CREB3L3: variants seen among roughly 807,000 people sequenced by gnomAD.
The protein encoded by CREB3L3 is cyclic AMP-responsive element-binding protein 3-like protein 3.
In CREB3L3, 40 loss-of-function variants were observed where a neutral mutation model predicts 44.6. That is an observed-to-expected ratio of 0.90 (90% CI 0.70 to 1.17). The LOEUF (loss-of-function observed/expected upper bound fraction) is 1.17, where lower values mean the gene tolerates loss of function less well. Ranked by LOEUF, CREB3L3 falls within the 50% of genes most tolerant of loss-of-function variation. The pLI is 0.00. For synonymous variants in CREB3L3, 273 were observed against 256.3 expected, an observed-to-expected ratio of 1.06 and a Z score of -0.62; for missense variants, 578 against 595.8, an observed-to-expected ratio of 0.97 and a Z score of 0.31.
At chr19:4,156,625 C>G (rs2041582392) in intron 2 of CREB3L3, among the ~76,000 whole-genome samples, 1 of 151,544 alleles carries the variant, frequency 6.6e-6, no homozygotes, top group African/African-American at 2.4e-5. Context: ...CCTCAGACTC[C>G]CGAGTAGCTG....
chr19:4,153,866 C>T (rs2041539909), intron 1 of CREB3L3, 92 bp downstream of exon 1: 1 of 1,369,886 alleles, frequency 7.3e-7, no homozygotes. Context: ...ATCTCCACCC[C>T]TATTGTACAG....
chr19:4,156,787 CCACTGCACCTGG>C (rs2041585667), intron 2 of CREB3L3, among the ~76,000 whole-genome samples, 196 bp from the exon 3 acceptor site: 1 of 152,054 alleles, frequency 6.6e-6, no homozygotes, highest in Non-Finnish European at 1.5e-5. Context: ...CAGGCAGGAG[CCACTGCACCTGG>C]CACTGGCTGG....
intron 7 of CREB3L3, 125 bp from the exon 8 acceptor site, chr19:4,170,966 G>C: frequency 1.7e-6 from 1 of 573,792 alleles, no homozygotes; most frequent in South Asian, 2.7e-5. Flanking sequence ...AAATAATAAA[G>C]AGCCAGAGGC....
In CREB3L3 at chr19:4,153,743, G is replaced by T. The variant is rs909836736; in HGVS notation, c.-5G>T. ...AGGCATCTGCAGACAGAACTGGATG[G>T]ACCCATGAATACGGATTTAGCTGCT... On this transcript the variant is annotated 5_prime_UTR_variant, in exon 1 of 10. Coordinates refer to ENST00000078445, the MANE Select transcript of CREB3L3 (RefSeq NM_032607.3). 6 of 1,614,024 alleles carry T rather than the reference G, an allele frequency of 3.7e-6. No homozygotes were observed. Among genetic ancestry groups the T allele is most frequent in the African/African-American group, 2.7e-5 (2 of 74,926 alleles).
intron 4 of CREB3L3, among the ~76,000 whole-genome samples, chr19:4,160,759 C>T (rs938849168): frequency 4.1e-5 from 6 of 146,868 alleles, no homozygotes; most frequent in South Asian, 4.4e-4. Context: ...TTTGAGATGG[C>T]GTCTTGCTCT....
Position 4,172,311 on chromosome 19 carries a change from CCAGA to C in CREB3L3, c.*345_*348del, listed in dbSNP as rs1967071004. 5 of 416,970 alleles carry C rather than the reference CCAGA, an allele frequency of 1.2e-5. No homozygotes were observed. The highest frequency in any genetic ancestry group is 4.3e-5 in the Admixed American group (1 of 23,464). 25.8% of individuals were successfully genotyped at this position (416,970 alleles called of 1,614,324 possible). ...CAGACAGACACAGCCTGAAACAGAC[CCAGA>C]CAAACAGACAGACAGACACAGCCTG... On this transcript the variant is annotated 3_prime_UTR_variant, in exon 10 of 10. Transcript: ENST00000078445.
chr19:4,157,057 A>G lies in CREB3L3; in HGVS notation c.219A>G (p.Ser73=). ...GCTCCATCCTGGGCTCTGGAGACTC[A>G]CTGCCCAGCTCCCCACTCTGGTCCC... ...FLSSILGSGD[S]LPSSPLWSPE... The change falls in exon 3 of 10, where the codon TCA becomes TCG. Residue 73 remains serine (S), a synonymous_variant. Transcript: ENST00000078445. 6.2e-7 allele frequency: 1 copy of G among 1,613,822 alleles called. No individual in the cohort carries two copies. The highest frequency in any genetic ancestry group is 8.5e-7 in the Non-Finnish European group (1 of 1,179,962).
Position 4,171,333 on chromosome 19 carries a change from G to A in CREB3L3, c.976-50G>A, listed in dbSNP as rs760305313. On this transcript the variant is annotated intron_variant, in intron 8 of 9. Transcript: ENST00000078445. This position sits in a 1 kb window ranked among gnomAD's most constrained non-coding sequence, Gnocchi z 4.9. Reference sequence around the variant, plus strand: ...GTTTCCCTGCCTGTGGGATGGAGATGCTTGCAGGGGAGGGGAGGGAGGGGG... The same window carrying A: ...GTTTCCCTGCCTGTGGGATGGAGATACTTGCAGGGGAGGGGAGGGAGGGGG... 2 of 1,554,970 alleles carry A rather than the reference G, an allele frequency of 1.3e-6. No individual in the cohort carries two copies. The highest frequency in any genetic ancestry group is 3.4e-5 in the Admixed American group (2 of 59,424).
chr19:4,156,937 C>T lies in CREB3L3; in HGVS notation c.157-58C>T, dbSNP rs1036033544. ...TCACTGGTTTCCCTGGGGCCACACA[C>T]TAATCTAAAAAGAGTGAGCACTTCC... On this transcript the variant is annotated intron_variant, in intron 2 of 9. Coordinates refer to ENST00000078445, the MANE Select transcript of CREB3L3 (RefSeq NM_032607.3). 3.2e-6 allele frequency: 5 copies of T among 1,580,322 alleles called. No homozygotes were observed. In the Admixed American group the frequency reaches 6.7e-5, roughly 21 times the overall value.
intron 5 of CREB3L3, among the ~76,000 whole-genome samples, chr19:4,167,973 T>TTTTTTTTATTTA (rs1555704043): frequency 2.1e-5 from 3 of 144,848 alleles, no homozygotes; most frequent in African/African-American, 5.1e-5. Flanking sequence ...ATTTTAATTA[T>TTTTTTTTATTTA]TTTATTTATT....
At chr19:4,157,339 A>G (rs971979273) in intron 3 of CREB3L3, 44 bp downstream of exon 3, 1 of 1,605,086 alleles carries the variant, frequency 6.2e-7, no homozygotes, top group Non-Finnish European at 8.5e-7. Flanking sequence ...ACCTTGTTCC[A>G]GGGCCCTTCC....
Position 4,171,167 on chromosome 19 carries a change from T to G in CREB3L3, c.967T>G (p.Cys323Gly), listed in dbSNP as rs747184560. Reference sequence around the variant, plus strand: ...CAGCAAGTCAGCCCAGACAGGCACCTGTGTCGCAGTGAGTCCTGGTGCCCC... The same window carrying G: ...CAGCAAGTCAGCCCAGACAGGCACCGGTGTCGCAGTGAGTCCTGGTGCCCC... ...STSKSAQTGT[C>G]VAVLLLSFAL... is the part of the protein sequence containing the mutation. The change falls in exon 8 of 10, where the codon TGT becomes GGT. Residue 323 changes from cysteine (C) to glycine (G), a missense_variant. Physicochemically the swap from Cys to Gly is radical, Grantham distance 159. Coordinates refer to ENST00000078445, the MANE Select transcript of CREB3L3 (RefSeq NM_032607.3). The surrounding 1 kb of genome is among the most constrained non-coding windows in gnomAD (Gnocchi z 4.9). The G allele has an allele frequency of 6.2e-7, 1 of 1,613,792 alleles. No homozygotes were observed. Among genetic ancestry groups the G allele is most frequent in the Non-Finnish European group, 8.5e-7 (1 of 1,179,830 alleles).
At position 4,159,544 on chromosome 19, in the gene CREB3L3, T is replaced by TTGGGATTCTGC. The variant is rs2041631705; in HGVS notation, c.458-120_458-119insTGGGATTCTGC. 8 of 731,074 alleles carry TTGGGATTCTGC rather than the reference T, an allele frequency of 1.1e-5. No homozygotes were observed. In the South Asian group the frequency reaches 1.1e-4, roughly 10 times the overall value. The allele number at this position is 731,074 out of a possible 1,614,324, so 45.3% of individuals were successfully genotyped here. A position where few individuals can be genotyped will look rare whatever the true frequency, so the allele number is the denominator to read the frequency against. Reference sequence around the variant, plus strand: ...TGGGGACTCCAAACTCTGGCAGAAGTCATATGAATGTTGGGATTAATCATG... The same window carrying TTGGGATTCTGC: ...TGGGGACTCCAAACTCTGGCAGAAGTTGGGATTCTGCCATATGAATGTTGGGATTAATCATG... On this transcript the variant is annotated intron_variant, in intron 3 of 9. Transcript: ENST00000078445.
chr19:4,168,067 T>C (rs1249792308), intron 5 of CREB3L3, among the ~76,000 whole-genome samples: 9 of 151,886 alleles, frequency 5.9e-5, no homozygotes, highest in African/African-American at 2.2e-4. Flanking sequence ...GGCACGATCT[T>C]GGCTCACTGC....
At chr19:4,169,584 CT>C (rs34259250) in intron 6 of CREB3L3, among the ~76,000 whole-genome samples, 3,387 of 95,106 alleles carry the variant, frequency 0.036, 38 homozygotes, top group East Asian at 0.12. Flanking sequence ...GGAGGCTCAG[CT>C]TTTTTTTTTT....
rs756591828 is a variant in CREB3L3, at chr19:4,170,202, A to C, written c.884A>C (p.Gln295Pro). Residue 295 changes from glutamine (Q) to proline (P), a missense_variant, in exon 7 of 10, where the codon CAA (glutamine) becomes CCA (proline). Physicochemically the swap from Gln to Pro is moderately conservative, Grantham distance 76. Transcript: ENST00000078445. ...AGGAAAGTCTTGCATCTCGAGAAGCAAAACCTGTGAGTCTGGGTCCAGCTG... is the reference window on the plus strand; with the variant it reads ...AGGAAAGTCTTGCATCTCGAGAAGCCAAACCTGTGAGTCTGGGTCCAGCTG... ...LQRKVLHLEKQNLSLLEQLKK... is the reference protein window; with the variant it reads ...LQRKVLHLEKPNLSLLEQLKK... 6.2e-7 allele frequency: 1 copy of C among 1,614,102 alleles called. No homozygotes were observed. The highest frequency in any genetic ancestry group is 8.5e-7 in the Non-Finnish European group (1 of 1,179,974).
At position 4,172,487 on chromosome 19, in the gene CREB3L3, A is replaced by T; in HGVS notation, c.*518A>T. 1 of 295,936 alleles carries T rather than the reference A, an allele frequency of 3.4e-6. No individual in the cohort carries two copies. The allele number at this position is 295,936 out of a possible 1,614,324, so 18.3% of individuals were successfully genotyped here. A position where few individuals can be genotyped will look rare whatever the true frequency, so the allele number is the denominator to read the frequency against. On this transcript the variant is annotated 3_prime_UTR_variant, in exon 10 of 10. Coordinates refer to ENST00000078445, the MANE Select transcript of CREB3L3 (RefSeq NM_032607.3). ...GAAACAGACCCGGACAGACAGACAGACACAGCCTGAAACAGACCCGGACAG... is the reference window on the plus strand; with the variant it reads ...GAAACAGACCCGGACAGACAGACAGTCACAGCCTGAAACAGACCCGGACAG...
chr19:4,156,101 C>G (rs1188958796), intron 2 of CREB3L3, among the ~76,000 whole-genome samples: 3 of 142,264 alleles, frequency 2.1e-5, no homozygotes, highest in Non-Finnish European at 4.6e-5. Context: ...CTCTCTCTCT[C>G]TCTCTCTCTC....
Position 4,157,124 on chromosome 19 carries a change from G to A in CREB3L3, c.286G>A (p.Asp96Asn), listed in dbSNP as rs146158593. ...DSGISEDLPS[D>N]PQDTPPRSGP... is the part of the protein sequence containing the mutation. Reference sequence around the variant, plus strand: ...TGGCATCTCCGAAGACCTCCCCTCCGACCCCCAGGACACCCCTCCACGCAG... The same window carrying A: ...TGGCATCTCCGAAGACCTCCCCTCCAACCCCCAGGACACCCCTCCACGCAG... The change falls in exon 3 of 10, where the codon GAC (aspartate) becomes AAC (asparagine). Residue 96 changes from aspartate to asparagine, a missense_variant. Transcript: ENST00000078445. 8.4e-5 allele frequency: 135 copies of A among 1,613,422 alleles called. No homozygotes were observed. Among genetic ancestry groups the A allele is most frequent in the Non-Finnish European group, 1.1e-4 (130 of 1,179,908 alleles).
Sources: gnomAD v4.1 joint callset for allele counts (sites outside exome capture counted in the v4.1 genomes callset) on GRCh38, gnomAD v4.1.1 for gene constraint, Gnocchi (gnomAD v3.1) non-coding constraint, MANE v1.5 for transcripts, NCBI Gene and HGNC (gene_info 2026-07-23, HGNC 2026-07-21) for gene names.